The following AFF2 variants were observed in gnomAD, a reference collection of about 807,000 sequenced individuals.
The protein encoded by AFF2 is ALF transcription elongation factor 2, also known as AF4/FMR2 family member 2.
A neutral mutation model predicts 76.9 loss-of-function variants in AFF2; 14 were observed. The observed-to-expected ratio is 0.18, with a 90% CI of 0.12 to 0.28. The LOEUF is 0.28. Ranked by LOEUF, AFF2 falls within the 10% of genes least tolerant of loss-of-function variation. The pLI is 1.00. For missense variants in AFF2, 868 were observed against 1,001.1 expected, an observed-to-expected ratio of 0.87 and a Z score of 1.79; for synonymous variants, 398 against 366.7, an observed-to-expected ratio of 1.09 and a Z score of -0.98.
chrX:148,677,113 C>A (rs781897439), intron 3 of AFF2, among the ~76,000 whole-genome samples: 67 of 110,122 alleles, frequency 6.1e-4, no homozygotes, highest in African/African-American at 1.9e-3. Context: ...AAGTCTGATT[C>A]AATGGAAATC....
intron 7 of AFF2, among the ~76,000 whole-genome samples, chrX:148,864,703 T>G (rs1379191468): frequency 8.9e-6 from 1 of 112,063 alleles, no homozygotes; most frequent in Non-Finnish European, 1.9e-5. Flanking sequence ...ACTGGACGTG[T>G]TTTTGCAAGC....
At chrX:148,874,351 C>T (rs1004048868) in intron 7 of AFF2, among the ~76,000 whole-genome samples, 27 of 111,213 alleles carry the variant, frequency 2.4e-4, no homozygotes, top group African/African-American at 8.5e-4. Flanking sequence ...CAAGTGCTCA[C>T]GACGAACTCT....
At chrX:148,709,378 G>C (rs2054931602) in intron 3 of AFF2, among the ~76,000 whole-genome samples, 1 of 111,550 alleles carries the variant, frequency 9.0e-6, no homozygotes, top group Admixed American at 9.6e-5. Context: ...ACCTGGAACA[G>C]TCGTTGGCAC....
chrX:148,727,121 T>G (rs1241659955), intron 3 of AFF2, among the ~76,000 whole-genome samples: 3 of 112,310 alleles, frequency 2.7e-5, no homozygotes, highest in Non-Finnish European at 5.6e-5. Context: ...AATGGAAATC[T>G]GCTTTTTTTG....
chrX:148,826,964 G>C (rs1195986809), intron 4 of AFF2, among the ~76,000 whole-genome samples: 3 of 110,967 alleles, frequency 2.7e-5, no homozygotes, highest in Non-Finnish European at 5.7e-5. Flanking sequence ...ATCTGTGGAT[G>C]GGGGGCGGGA....
At chrX:148,688,978 CTTG>C (rs1844987331) in intron 3 of AFF2, among the ~76,000 whole-genome samples, 1 of 111,933 alleles carries the variant, frequency 8.9e-6, no homozygotes, top group African/African-American at 3.3e-5. Context: ...TATAGTGTTC[CTTG>C]TTGTATTAGT....
intron 13 of AFF2, among the ~76,000 whole-genome samples, chrX:148,964,541 A>AAT (rs2124380828): frequency 8.9e-6 from 1 of 112,211 alleles, no homozygotes; most frequent in East Asian, 2.8e-4. Context: ...GCCAGACACC[A>AAT]AAGGCCAAAA....
intron 3 of AFF2, among the ~76,000 whole-genome samples, chrX:148,704,620 A>G (rs1432374418): frequency 9.5e-6 from 1 of 104,833 alleles, no homozygotes; most frequent in Non-Finnish European, 1.9e-5. Flanking sequence ...TCCACTTCCC[A>G]GGTTGAAACA....
intron 3 of AFF2, among the ~76,000 whole-genome samples, chrX:148,683,922 C>G (rs1398589248): frequency 3.6e-5 from 4 of 111,433 alleles, no homozygotes; most frequent in African/African-American, 1.3e-4. Flanking sequence ...TTATATGAGG[C>G]AACATTGCCC....
At chrX:148,826,787 G>T (rs1807788006) in intron 4 of AFF2, among the ~76,000 whole-genome samples, 1 of 17,714 alleles carries the variant, frequency 5.6e-5, no homozygotes, top group African/African-American at 6.6e-5. Context: ...GGGGAGAGGA[G>T]TCCAGGCATT....
At chrX:148,977,457 T>C (rs1200618591) in intron 16 of AFF2, among the ~76,000 whole-genome samples, 1 of 111,281 alleles carries the variant, frequency 9.0e-6, no homozygotes, top group African/African-American at 3.3e-5. Flanking sequence ...GCTGTGTGAT[T>C]GAGGTCTCCC....
At chrX:148,833,172 G>T (rs573835261) in intron 4 of AFF2, among the ~76,000 whole-genome samples, 1 of 111,477 alleles carries the variant, frequency 9.0e-6, no homozygotes, top group East Asian at 2.8e-4. Context: ...AACTATTGAA[G>T]CCTTTTCCAA....
At chrX:148,780,599 A>G (rs1332778095) in intron 3 of AFF2, among the ~76,000 whole-genome samples, 1 of 111,592 alleles carries the variant, frequency 9.0e-6, no homozygotes, top group African/African-American at 3.3e-5. Flanking sequence ...CAGCTCCATA[A>G]GGTCATTTAT....
chrX:148,625,491 A>C (rs1037504579), intron 1 of AFF2, among the ~76,000 whole-genome samples: 63 of 110,522 alleles, frequency 5.7e-4, no homozygotes, highest in African/African-American at 2.0e-3. Flanking sequence ...CATGTAGCTC[A>C]GTCAGCCTCA....
intron 4 of AFF2, among the ~76,000 whole-genome samples, chrX:148,817,093 G>A (rs1382974408): frequency 9.0e-6 from 1 of 110,775 alleles, no homozygotes; most frequent in Non-Finnish European, 1.9e-5. Flanking sequence ...AGTGATACAG[G>A]AACTTAAAGA....
chrX:148,835,517 G>A (rs1036887563), intron 4 of AFF2, among the ~76,000 whole-genome samples: 7 of 83,932 alleles, frequency 8.3e-5, no homozygotes, highest in East Asian at 3.6e-4. Context: ...ATGGAGTCTC[G>A]CTCTGTCACC....
At chrX:148,708,884 G>A (rs6540400) in intron 3 of AFF2, among the ~76,000 whole-genome samples, 39,987 of 110,648 alleles carry the variant, frequency 0.36, 6,327 homozygotes, top group African/African-American at 0.61. Context: ...ATATTTTACC[G>A]TTTTTCTGTA....
At chrX:148,841,573 A>G (rs1389856377) in intron 5 of AFF2, among the ~76,000 whole-genome samples, 3 of 112,076 alleles carry the variant, frequency 2.7e-5, no homozygotes, top group Non-Finnish European at 5.6e-5. Context: ...CTATTAAGAC[A>G]GGTGGGAATG....
At chrX:148,763,789 A>G (rs1018531160) in intron 3 of AFF2, among the ~76,000 whole-genome samples, 18 of 111,799 alleles carry the variant, frequency 1.6e-4, no homozygotes, top group Non-Finnish European at 3.4e-4. Context: ...ACAGCTTTGA[A>G]TCTCAACTGA....
Sources: gnomAD v4.1 joint callset for allele counts (sites outside exome capture counted in the v4.1 genomes callset) on GRCh38, gnomAD v4.1.1 for gene constraint, MANE v1.5 for transcripts, NCBI Gene and HGNC (gene_info 2026-07-23, HGNC 2026-07-21) for gene names.